Variants in SHC3 observed in about 807,000 individuals in gnomAD.
SHC3 encodes the protein SHC-transforming protein 3.
In SHC3, 15 loss-of-function variants were observed where a neutral mutation model predicts 60.4. The observed-to-expected ratio is 0.25, with a 90% CI of 0.17 to 0.38. SHC3 has a LOEUF of 0.38. Ranked by LOEUF, SHC3 falls within the 10% of genes least tolerant of loss-of-function variation. SHC3 has a pLI of 1.00. For synonymous variants in SHC3, 294 were observed against 325.9 expected (o/e 0.90, Z 1.05); for missense variants, 677 against 786.1 (o/e 0.86, Z 1.66).
chr9:89,092,608 T>A (rs1825640123), intron 2 of SHC3, among the ~76,000 whole-genome samples: 1 of 129,912 alleles, frequency 7.7e-6, no homozygotes. Flanking sequence ...AGGGCAAGAC[T>A]CTGTCTCAAA....
intron 1 of SHC3, among the ~76,000 whole-genome samples, chr9:89,142,395 T>G (rs1826405739): frequency 1.3e-5 from 2 of 152,124 alleles, no homozygotes; most frequent in Admixed American, 6.5e-5. Context: ...ACCCCATCTC[T>G]ATTAAAGATA....
intron 1 of SHC3, among the ~76,000 whole-genome samples, chr9:89,167,985 C>T (rs1369357811): frequency 1.3e-5 from 2 of 152,178 alleles, no homozygotes; most frequent in Non-Finnish European, 2.9e-5. Flanking sequence ...GGCGGCCACC[C>T]GGGCCCCCAC....
intron 1 of SHC3, among the ~76,000 whole-genome samples, chr9:89,136,108 C>A (rs1407063943): frequency 6.6e-6 from 1 of 151,256 alleles, no homozygotes; most frequent in Non-Finnish European, 1.5e-5. Context: ...CCTGAGGAGC[C>A]CCAGTAGTTA....
intron 1 of SHC3, among the ~76,000 whole-genome samples, chr9:89,129,074 A>G (rs536750403): frequency 6.6e-6 from 1 of 152,320 alleles, no homozygotes; most frequent in South Asian, 2.1e-4. Context: ...GACCTGATGG[A>G]GCTAAAAACC....
At chr9:89,037,829 C>T (rs1824607437) in intron 11 of SHC3, among the ~76,000 whole-genome samples, 164 bp downstream of exon 11, 2 of 152,272 alleles carry the variant, frequency 1.3e-5, no homozygotes, top group Non-Finnish European at 2.9e-5. Flanking sequence ...GCTCCTGGCT[C>T]TGGCCTGATG....
chr9:89,124,859 A>AT (rs1826142014), intron 1 of SHC3, among the ~76,000 whole-genome samples: 1 of 152,152 alleles, frequency 6.6e-6, no homozygotes, highest in African/African-American at 2.4e-5. Context: ...TAAAATAAAA[A>AT]AAAAAATAAG....
At chr9:89,024,116 C>T (rs1359162955) in intron 11 of SHC3, among the ~76,000 whole-genome samples, 2 of 152,172 alleles carry the variant, frequency 1.3e-5, no homozygotes, top group Non-Finnish European at 2.9e-5. Context: ...CCAGTTCACT[C>T]AGCCCCCTCT....
intron 9 of SHC3, among the ~76,000 whole-genome samples, chr9:89,043,113 C>T (rs971352661): frequency 2.6e-5 from 4 of 152,172 alleles, no homozygotes; most frequent in African/African-American, 7.2e-5. Context: ...ACCCTATGGG[C>T]GGTGGTGTGT....
intron 2 of SHC3, among the ~76,000 whole-genome samples, chr9:89,099,056 T>G (rs901784821): frequency 3.9e-5 from 6 of 152,156 alleles, no homozygotes; most frequent in Non-Finnish European, 8.8e-5. Flanking sequence ...TTTAATTAGT[T>G]TAAAATCATA....
At chr9:89,037,605 C>T in intron 11 of SHC3, 2 of 695,552 alleles carry the variant, frequency 2.9e-6, no homozygotes, top group South Asian at 3.2e-5. Flanking sequence ...GAACAAAATC[C>T]TCAGTGATTC....
chr9:89,027,406 G>GC (rs1188265077), intron 11 of SHC3, among the ~76,000 whole-genome samples: 1 of 146,928 alleles, frequency 6.8e-6, no homozygotes, highest in Non-Finnish European at 1.5e-5. Context: ...TGCAGGCTGT[G>GC]CCCCCCGGGT....
At chr9:89,160,945 G>C (rs566004454) in intron 1 of SHC3, among the ~76,000 whole-genome samples, 2 of 152,336 alleles carry the variant, frequency 1.3e-5, no homozygotes, top group South Asian at 4.1e-4. Context: ...ATCCCCAGCA[G>C]TATACAAATA....
At chr9:89,045,566 C>T (rs530362025) in intron 9 of SHC3, among the ~76,000 whole-genome samples, 180 bp downstream of exon 9, 12 of 152,310 alleles carry the variant, frequency 7.9e-5, no homozygotes, top group East Asian at 5.8e-4. Context: ...TGTGCCACCG[C>T]GCCTGACCAC....
chr9:89,125,241 T>G (rs552272767), intron 1 of SHC3, among the ~76,000 whole-genome samples: 202 of 152,302 alleles, frequency 1.3e-3, no homozygotes, highest in African/African-American at 4.6e-3. Context: ...TCCAGTCAAG[T>G]GTGAGATCTG....
chr9:89,173,014 C>T (rs1364854927), intron 1 of SHC3, among the ~76,000 whole-genome samples: 1 of 152,174 alleles, frequency 6.6e-6, no homozygotes, highest in Non-Finnish European at 1.5e-5. Flanking sequence ...ACATTAGATG[C>T]TGGTGCAAAA....
intron 1 of SHC3, among the ~76,000 whole-genome samples, chr9:89,174,461 G>A (rs11137525): frequency 0.099 from 15,029 of 152,224 alleles, 869 homozygotes; most frequent in Admixed American, 0.15. Context: ...TGAAACCTAT[G>A]TAACTTCGCT....
Position 89,178,368 on chromosome 9 carries a change from T to C in SHC3, c.93A>G (p.Gly31=), listed in dbSNP as rs755271702. 1.3e-6 allele frequency: 2 copies of C among 1,588,732 alleles called. No individual in the cohort carries two copies. The highest frequency in any genetic ancestry group is 1.1e-5 in the South Asian group (1 of 88,210). ...TCGCGCGCGCCGCCGAAACCTTGCC[T>C]CCGCCGCCGCTCACCGACAGGCTGT... ...LLHSLSVSGG[G]GKVSAARATP... The change falls in exon 1 of 12, where the codon GGA becomes GGG. Residue 31 remains glycine (G), a synonymous_variant. Transcript: ENST00000375835. The surrounding 1 kb of genome is among the most constrained non-coding windows in gnomAD (Gnocchi z 6.9).
At position 89,018,811 on chromosome 9, in the gene SHC3, T is replaced by C. The variant is rs187516072; in HGVS notation, c.1657-5236A>G. ...TGGCTCATACCTGTAATCCCAGCAC[T>C]TTGGGAGGCCAAGGCAGGCGGATCA... is the stretch of plus-strand genomic sequence containing the variant. On this transcript the variant is annotated intron_variant, in intron 11 of 11. Transcript: ENST00000375835. Among the ~76,000 whole-genome samples the C allele has an allele frequency of 7.2e-3, 1,085 of 151,670 alleles. 10 individuals carry two copies. The highest frequency in any genetic ancestry group is 0.024 in the African/African-American group (988 of 41,426).
chr9:89,177,428 A>G (rs752590687), intron 1 of SHC3, among the ~76,000 whole-genome samples: 22 of 152,006 alleles, frequency 1.4e-4, no homozygotes, highest in African/African-American at 2.4e-5. Context: ...AAACCCCAAG[A>G]AAACCTGGAC....
Sources: gnomAD v4.1 joint callset for allele counts (sites outside exome capture counted in the v4.1 genomes callset) on GRCh38, gnomAD v4.1.1 for gene constraint, Gnocchi (gnomAD v3.1) non-coding constraint, MANE v1.5 for transcripts, NCBI Gene and HGNC (gene_info 2026-07-23, HGNC 2026-07-21) for gene names.